The following IRF8 variants were observed in gnomAD, a reference collection of about 807,000 sequenced individuals.
The protein encoded by IRF8 is interferon regulatory factor 8, also known as interferon consensus sequence binding protein 1.
In IRF8, 14 loss-of-function variants were observed where a neutral mutation model predicts 48.7. The observed-to-expected ratio is 0.29, with a 90% CI of 0.19 to 0.45. The LOEUF is 0.45. IRF8 is among the 20% of genes least tolerant of loss of function. The pLI, the probability that IRF8 is intolerant of heterozygous loss-of-function variation, is 1.00. For synonymous variants in IRF8, 278 were observed against 227.3 expected, an observed-to-expected ratio of 1.22 and a Z score of -2.01; for missense variants, 493 against 580.7, an observed-to-expected ratio of 0.85 and a Z score of 1.55.
chr16:85,916,952 G>A (rs765851986), intron 6 of IRF8, among the ~76,000 whole-genome samples: 1 of 152,202 alleles, frequency 6.6e-6, no homozygotes, highest in South Asian at 2.1e-4. Context: ...TCAATGAGGT[G>A]GACCAGAGCT....
chr16:85,916,623 G>A (rs142139857), intron 6 of IRF8, among the ~76,000 whole-genome samples: 1 of 152,348 alleles, frequency 6.6e-6, no homozygotes, highest in African/African-American at 2.4e-5. Flanking sequence ...GGGTGAAGCT[G>A]CCAGTTCACA....
Position 85,913,208 on chromosome 16 carries a change from A to G in IRF8, c.525A>G (p.Pro175=). Residue 175 remains proline (P), a synonymous_variant, in exon 5 of 9, where the codon CCA becomes CCG. Coordinates refer to ENST00000268638, the MANE Select transcript of IRF8 (RefSeq NM_002163.4). The part of the protein sequence containing the change: ...PPEACRSQLL[P]DWWAQQPSTG... Reference sequence around the variant, plus strand: ...AGGCCTGTCGGAGTCAGCTCCTTCCAGACTGGTGGGCGCAGCAGCCCAGCA... The same window carrying G: ...AGGCCTGTCGGAGTCAGCTCCTTCCGGACTGGTGGGCGCAGCAGCCCAGCA... 6.2e-7 allele frequency: 1 copy of G among 1,614,020 alleles called. No individual in the cohort carries two copies. The highest frequency in any genetic ancestry group is 8.5e-7 in the Non-Finnish European group (1 of 1,179,894).
At position 85,921,446 on chromosome 16, in the gene IRF8, C is replaced by T. The variant is rs568971690; in HGVS notation, c.*164C>T. On this transcript the variant is annotated 3_prime_UTR_variant, in exon 9 of 9. Coordinates refer to ENST00000268638, the MANE Select transcript of IRF8 (RefSeq NM_002163.4). ...TTCTCGGAGGAGTAGACGTTTAATA[C>T]GAAGTGGCGGCATAGCCCTGCCGAG... The T allele has an allele frequency of 4.7e-3, 3,577 of 767,468 alleles. 70 individuals carry two copies. Among genetic ancestry groups the T allele is most frequent in the South Asian group, 0.034 (2,201 of 65,326 alleles). 47.5% of individuals were successfully genotyped at this position (767,468 alleles called of 1,614,324 possible). A position where few individuals can be genotyped will look rare whatever the true frequency, so the allele number is the denominator to read the frequency against.
chr16:85,908,456 G>A (rs768362264), intron 2 of IRF8, among the ~76,000 whole-genome samples: 13 of 152,102 alleles, frequency 8.5e-5, no homozygotes, highest in Non-Finnish European at 1.8e-4. Flanking sequence ...CACCTGGGGG[G>A]AAAAGTCTAG....
chr16:85,908,731 G>A (rs1905067843), intron 2 of IRF8, among the ~76,000 whole-genome samples: 1 of 152,184 alleles, frequency 6.6e-6, no homozygotes, highest in South Asian at 2.1e-4. Context: ...GGAGCCTTCA[G>A]CCTGGGTTCG....
chr16:85,921,024 G>C, intron 8 of IRF8, 82 bp from the exon 9 acceptor site: 1 of 1,413,740 alleles, frequency 7.1e-7, no homozygotes, highest in African/African-American at 1.4e-5. Flanking sequence ...GGTCATCAGA[G>C]GACCTGGCTA....
rs996101014 is a variant in IRF8, at chr16:85,913,946, G to A, written c.554-527G>A. 2.3e-5 allele frequency: 4 copies of A among 174,670 alleles called. No homozygotes were observed. In the South Asian group the frequency reaches 3.9e-4, roughly 17 times the overall value. 10.8% of individuals were successfully genotyped at this position (174,670 alleles called of 1,614,324 possible). On this transcript the variant is annotated intron_variant, in intron 5 of 8. Transcript: ENST00000268638. Reference sequence around the variant, plus strand: ...GGTGAATGTGTTTGCTTCCTCCCTCGGCGTCTTCCCCCTAGCCCTACATCC... The same window carrying A: ...GGTGAATGTGTTTGCTTCCTCCCTCAGCGTCTTCCCCCTAGCCCTACATCC...
At chr16:85,899,365 T>A (rs1904747122) in intron 1 of IRF8, 142 bp downstream of exon 1, 1 of 152,282 alleles carries the variant, frequency 6.6e-6, no homozygotes, top group African/African-American at 2.4e-5. Flanking sequence ...TGTCCCTCTC[T>A]GCTTTTTGCC....
At chr16:85,909,390 A>G in intron 3 of IRF8, 1 of 573,504 alleles carries the variant, frequency 1.7e-6, no homozygotes, top group Non-Finnish European at 3.1e-6. Flanking sequence ...CCTGTGCCCC[A>G]CTTGCTGCCT....
At chr16:85,909,616 C>T (rs1233613869) in intron 3 of IRF8, 5 of 233,336 alleles carry the variant, frequency 2.1e-5, no homozygotes, top group South Asian at 6.0e-5. Flanking sequence ...TGGGATATGC[C>T]TCAGTGTGTT....
At chr16:85,900,523 A>T (rs1247430943) in intron 1 of IRF8, among the ~76,000 whole-genome samples, 1 of 152,256 alleles carries the variant, frequency 6.6e-6, no homozygotes, top group Non-Finnish European at 1.5e-5. Flanking sequence ...ACCACGAAGG[A>T]CACACAGACG....
chr16:85,906,739 G>A (rs1368818678), intron 2 of IRF8, among the ~76,000 whole-genome samples: 1 of 152,204 alleles, frequency 6.6e-6, no homozygotes, highest in African/African-American at 2.4e-5. Flanking sequence ...TTCTCAGGTG[G>A]GGGAGGTATC....
intron 2 of IRF8, among the ~76,000 whole-genome samples, chr16:85,904,642 C>T (rs1159940839): frequency 1.3e-5 from 2 of 152,004 alleles, no homozygotes; most frequent in East Asian, 1.9e-4. Flanking sequence ...GACAAGGGAA[C>T]GCTTTGCACT....
intron 3 of IRF8, among the ~76,000 whole-genome samples, chr16:85,910,215 T>C (rs1157837725): frequency 6.6e-6 from 1 of 152,168 alleles, no homozygotes; most frequent in Non-Finnish European, 1.5e-5. Context: ...TGCTGGTGAA[T>C]GTGGCCCATG....
In IRF8 at chr16:85,921,230, G is replaced by A. The variant is rs1452569476; in HGVS notation, c.1229G>A (p.Cys410Tyr). 1.7e-5 allele frequency: 28 copies of A among 1,614,056 alleles called. No individual in the cohort carries two copies. The highest frequency in any genetic ancestry group is 2.3e-5 in the Non-Finnish European group (27 of 1,180,054). ...GTCTTCCGGATGTTTCCAGATATTT[G>A]TGCCTCACACCAGAGATCATTTTTC... ...DQVFRMFPDI[C>Y]ASHQRSFFRE... The change falls in exon 9 of 9, where the codon TGT becomes TAT. Residue 410 changes from cysteine (C) to tyrosine (Y), a missense_variant. Coordinates refer to ENST00000268638, the MANE Select transcript of IRF8 (RefSeq NM_002163.4).
chr16:85,905,609 A>G (rs1283698448), intron 2 of IRF8, among the ~76,000 whole-genome samples: 1 of 152,194 alleles, frequency 6.6e-6, no homozygotes, highest in African/African-American at 2.4e-5. Context: ...GGCGCCAGCA[A>G]GAGCCCATCA....
intron 3 of IRF8, chr16:85,909,997 G>T (rs1166526028): frequency 6.6e-6 from 1 of 152,244 alleles, no homozygotes; most frequent in Non-Finnish European, 1.5e-5. Flanking sequence ...ACGAATGCCT[G>T]TAAGAAACAG....
rs749756916 is a variant in IRF8, at chr16:85,921,194, C to T, written c.1193C>T (p.Pro398Leu). The T allele has an allele frequency of 1.1e-5, 17 of 1,614,202 alleles. No individual in the cohort carries two copies. Among genetic ancestry groups the T allele is most frequent in the African/African-American group, 6.7e-5 (5 of 75,060 alleles). ...GSVMQAPEEPPPDQVFRMFPD... is the reference protein window; with the variant it reads ...GSVMQAPEEPLPDQVFRMFPD... ...GTGATGCAGGCCCCCGAGGAGCCGC[C>T]GCCAGACCAGGTCTTCCGGATGTTT... Residue 398 changes from proline to leucine, a missense_variant, in exon 9 of 9, where the codon CCG becomes CTG. This residue lies in a region of IRF8 where 408 missense variants were observed against 449.6 expected (regional missense o/e 0.91). Transcript: ENST00000268638.
chr16:85,916,612 C>T (rs759785211), intron 6 of IRF8, among the ~76,000 whole-genome samples: 3 of 152,180 alleles, frequency 2.0e-5, no homozygotes, highest in African/African-American at 2.4e-5. Flanking sequence ...TTAGCTGTTC[C>T]GGGTGAAGCT....
Sources: allele counts gnomAD v4.1 joint callset (sites outside exome capture counted in the v4.1 genomes callset), GRCh38; gene constraint gnomAD v4.1.1; regional missense constraint gnomAD v4.1.1; transcripts MANE v1.5; gene names NCBI Gene and HGNC (gene_info 2026-07-23, HGNC 2026-07-21).